The following YAF2 variants were observed in gnomAD, a reference collection of about 807,000 sequenced individuals.
YAF2 encodes the protein YY1-associated factor 2.
YAF2 carries 7 observed loss-of-function variants against 20.1 expected under a neutral mutation model. That is an observed-to-expected ratio of 0.35 (90% confidence interval 0.20 to 0.65). The LOEUF is 0.65. Among genes scored for constraint, YAF2 ranks in the 30% least tolerant of loss-of-function variants. The pLI is 0.69. For missense variants in YAF2, 151 were observed against 219.2 expected (o/e 0.69, Z 1.96); for synonymous variants, 74 against 76.0 (o/e 0.97, Z 0.14).
chr12:42,199,766 T>C (rs2066850583), intron 2 of YAF2, among the ~76,000 whole-genome samples: 1 of 152,122 alleles, frequency 6.6e-6, no homozygotes, highest in Non-Finnish European at 1.5e-5. Flanking sequence ...AACTGTACTA[T>C]TCTAATATTA....
intron 2 of YAF2, among the ~76,000 whole-genome samples, chr12:42,208,909 C>T (rs1592006030): frequency 1.3e-5 from 2 of 152,122 alleles, no homozygotes; most frequent in East Asian, 1.9e-4. Context: ...ATCCAGCAAA[C>T]GGATGAAAGT....
At position 42,169,292 on chromosome 12, in the gene YAF2, T is replaced by C. The variant is rs535970837; in HGVS notation, c.153-7527A>G. 2.0e-5 allele frequency among the ~76,000 whole-genome samples: 3 copies of C among 152,336 alleles called. No individual in the cohort carries two copies. The South Asian group carries it at 6.2e-4, about 32-fold the overall frequency. On this transcript the variant is annotated intron_variant, in intron 2 of 3. Coordinates refer to ENST00000534854, the MANE Select transcript of YAF2 (RefSeq NM_005748.6). ...TACTTTCTTATTCCTCTTCCTACCTTCTCCAGTAAGTAGGTCCTTCTCAGT... is the reference window on the plus strand; with the variant it reads ...TACTTTCTTATTCCTCTTCCTACCTCCTCCAGTAAGTAGGTCCTTCTCAGT...
At chr12:42,178,704 G>A (rs1327473312) in intron 2 of YAF2, among the ~76,000 whole-genome samples, 1 of 152,012 alleles carries the variant, frequency 6.6e-6, no homozygotes, top group Non-Finnish European at 1.5e-5. Context: ...CCCTCAAAGT[G>A]TTATGCACAT....
intron 1 of YAF2, 96 bp downstream of exon 1, chr12:42,238,059 C>T (rs1158699122): frequency 1.8e-6 from 2 of 1,133,534 alleles, no homozygotes; most frequent in African/African-American, 3.3e-5. Context: ...CGTGCTCGCC[C>T]CGGTGCCCGG....
chr12:42,226,919 G>C (rs1248780494), intron 2 of YAF2, among the ~76,000 whole-genome samples: 1 of 150,132 alleles, frequency 6.7e-6, no homozygotes, highest in Non-Finnish European at 1.5e-5. Flanking sequence ...TAGGGAGCCC[G>C]TCCGGCCATG....
At chr12:42,234,792 A>C in intron 2 of YAF2, 1 of 866,646 alleles carries the variant, frequency 1.2e-6, no homozygotes. Context: ...GTTTGAGACT[A>C]GCCTAGGCAA....
chr12:42,226,273 A>T (rs529427058), intron 2 of YAF2, among the ~76,000 whole-genome samples: 2 of 152,224 alleles, frequency 1.3e-5, no homozygotes, highest in Non-Finnish European at 2.9e-5. Flanking sequence ...GAGACCTAAT[A>T]AGTGGCCACA....
chr12:42,195,902 C>T (rs2066737214), intron 2 of YAF2, among the ~76,000 whole-genome samples: 1 of 151,920 alleles, frequency 6.6e-6, no homozygotes, highest in African/African-American at 2.4e-5. Flanking sequence ...GAGTGGAAGG[C>T]AGGAGTTGCG....
At chr12:42,170,580 C>A (rs999352832) in intron 2 of YAF2, among the ~76,000 whole-genome samples, 1 of 152,148 alleles carries the variant, frequency 6.6e-6, no homozygotes, top group Non-Finnish European at 1.5e-5. Context: ...GAGGCTCAGG[C>A]AGGCAGATCA....
intron 2 of YAF2, among the ~76,000 whole-genome samples, chr12:42,163,435 C>A (rs1379630318): frequency 6.6e-6 from 1 of 152,134 alleles, no homozygotes; most frequent in African/African-American, 2.4e-5. Context: ...AAATGTGAGA[C>A]TAGTGGTCTA....
intron 2 of YAF2, chr12:42,233,690 T>G: frequency 2.9e-5 from 24 of 825,176 alleles, no homozygotes; most frequent in Non-Finnish European, 3.5e-5. Context: ...TTTTTTAATT[T>G]TTAGTAGAGA....
At chr12:42,224,692 G>A (rs952519529) in intron 2 of YAF2, among the ~76,000 whole-genome samples, 6 of 152,246 alleles carry the variant, frequency 3.9e-5, no homozygotes, top group Non-Finnish European at 7.3e-5. Flanking sequence ...CCATGTCCCT[G>A]CAAAGGACAT....
intron 2 of YAF2, among the ~76,000 whole-genome samples, chr12:42,169,861 TTCTC>T (rs1025590465): frequency 8.6e-4 from 130 of 151,596 alleles, no homozygotes; most frequent in African/African-American, 3.0e-3. Context: ...TTCCTTCCTT[TTCTC>T]TCTCTCTCCT....
intron 2 of YAF2, among the ~76,000 whole-genome samples, chr12:42,200,887 G>A (rs2066881072): frequency 6.6e-6 from 1 of 152,138 alleles, no homozygotes; most frequent in Admixed American, 6.6e-5. Flanking sequence ...CTATGAGAGT[G>A]AGTAGGTTAT....
At chr12:42,196,829 A>G (rs2066765012) in intron 2 of YAF2, among the ~76,000 whole-genome samples, 1 of 152,208 alleles carries the variant, frequency 6.6e-6, no homozygotes, top group South Asian at 2.1e-4. Flanking sequence ...GGTCTAAACA[A>G]AACAAGACTA....
intron 2 of YAF2, chr12:42,235,786 C>G (rs747452690): frequency 5.7e-5 from 87 of 1,535,848 alleles, no homozygotes; most frequent in Non-Finnish European, 7.1e-5. Flanking sequence ...CAGGGGCCCC[C>G]ATGTGGGCCT....
chr12:42,204,244 GCAGTT>G (rs1456138376), intron 2 of YAF2, among the ~76,000 whole-genome samples: 1 of 152,198 alleles, frequency 6.6e-6, no homozygotes, highest in Non-Finnish European at 1.5e-5. Flanking sequence ...AAAAAGTCTT[GCAGTT>G]CCCCAAAAGT....
At chr12:42,181,721 C>A (rs2066346753) in intron 2 of YAF2, among the ~76,000 whole-genome samples, 1 of 152,012 alleles carries the variant, frequency 6.6e-6, no homozygotes, top group Admixed American at 6.5e-5. Flanking sequence ...TGCCAGAATT[C>A]AAAATAATGC....
chr12:42,167,387 TTA>T (rs2065940694), intron 2 of YAF2, among the ~76,000 whole-genome samples: 1 of 152,170 alleles, frequency 6.6e-6, no homozygotes. Flanking sequence ...TAAGATCCCG[TTA>T]TATATGACAG....
Sources: allele counts gnomAD v4.1 joint callset (sites outside exome capture counted in the v4.1 genomes callset), GRCh38; gene constraint gnomAD v4.1.1; transcripts MANE v1.5; gene names NCBI Gene and HGNC (gene_info 2026-07-23, HGNC 2026-07-21).